INO80: variants seen among roughly 807,000 people sequenced by gnomAD.
The protein encoded by INO80 is chromatin-remodeling ATPase INO80.
In INO80, 20 loss-of-function variants were observed where a neutral mutation model predicts 203.4. The observed-to-expected ratio is 0.10, with a 90% CI of 0.07 to 0.14. The LOEUF (loss-of-function observed/expected upper bound fraction) is 0.14, where lower values mean the gene tolerates loss of function less well. INO80 is among the 10% of genes least tolerant of loss of function. INO80 has a pLI of 1.00. For missense variants in INO80, 1,419 were observed against 1,914.4 expected (o/e 0.74, Z 4.83); for synonymous variants, 726 against 685.2 (o/e 1.06, Z -0.93).
intron 1 of INO80, among the ~76,000 whole-genome samples, chr15:41,112,390 T>C (rs2045970096): frequency 6.6e-6 from 1 of 152,240 alleles, no homozygotes. Context: ...CCATACTCAC[T>C]GACTCACAAG....
chr15:41,025,791 C>T (rs1344544661), intron 25 of INO80, among the ~76,000 whole-genome samples: 1 of 152,090 alleles, frequency 6.6e-6, no homozygotes, highest in Non-Finnish European at 1.5e-5. Context: ...ACTTGATGTG[C>T]CTCTCTCAGA....
intron 1 of INO80, among the ~76,000 whole-genome samples, chr15:41,115,186 C>T (rs776110838): frequency 1.3e-5 from 2 of 152,320 alleles, no homozygotes; most frequent in East Asian, 3.9e-4. Context: ...CTAACAAGTA[C>T]ATCAAACTAG....
chr15:41,051,113 A>G (rs533428681), intron 19 of INO80, among the ~76,000 whole-genome samples: 2 of 117,262 alleles, frequency 1.7e-5, no homozygotes, highest in Non-Finnish European at 3.4e-5. Flanking sequence ...TGGGTGACAG[A>G]ATGAGACTCC....
Position 41,065,046 on chromosome 15 carries a change from G to T in INO80, c.1782+4524C>A, listed in dbSNP as rs192632055. 5.1e-4 allele frequency among the ~76,000 whole-genome samples: 78 copies of T among 152,096 alleles called. 1 individual carries two copies. The highest frequency in any genetic ancestry group is 7.9e-4 in the Admixed American group (12 of 15,256). On this transcript the variant is annotated intron_variant, in intron 14 of 35. Coordinates refer to ENST00000648947, the MANE Select transcript of INO80 (RefSeq NM_017553.3). ...GCAGTGTGGGGCTGTGTTCCAATAC[G>T]TATGACTTTCAACTTTGTATGTCAC...
At position 41,111,671 on chromosome 15, in the gene INO80, T is replaced by C. The variant is rs567465479; in HGVS notation, c.-44+4302A>G. 2.7e-3 allele frequency among the ~76,000 whole-genome samples: 408 copies of C among 150,826 alleles called. 2 individuals carry two copies. Among genetic ancestry groups the C allele is most frequent in the South Asian group, 0.013 (62 of 4,756 alleles). ...TACAAAAATTAGCCGGGCGTGGTGG[T>C]GCACGCCTGTAATCCTAGCTACTCG... On this transcript the variant is annotated intron_variant, in intron 1 of 35. Coordinates refer to ENST00000648947, the MANE Select transcript of INO80 (RefSeq NM_017553.3).
intron 14 of INO80, among the ~76,000 whole-genome samples, chr15:41,063,732 C>T (rs528351114): frequency 2.6e-5 from 4 of 152,100 alleles, no homozygotes; most frequent in Non-Finnish European, 5.9e-5. Context: ...GATTGCGCCA[C>T]TGCACTCCAG....
intron 29 of INO80, among the ~76,000 whole-genome samples, chr15:40,996,021 G>A (rs1433417551): frequency 6.6e-6 from 1 of 152,050 alleles, no homozygotes; most frequent in Non-Finnish European, 1.5e-5. Context: ...TACAGAATGT[G>A]TAGTATCAGA....
At chr15:40,983,172 C>A (rs971091347) in intron 34 of INO80, 95 bp from the exon 35 acceptor site, 4 of 1,019,344 alleles carry the variant, frequency 3.9e-6, no homozygotes, top group African/African-American at 1.6e-5. Context: ...AAAGCGAGCT[C>A]TTAGGGCATT....
At chr15:41,000,726 A>G (rs922416299) in intron 28 of INO80, among the ~76,000 whole-genome samples, 2 of 150,878 alleles carry the variant, frequency 1.3e-5, no homozygotes, top group Admixed American at 6.6e-5. Context: ...AAAAAAAAAA[A>G]AAAAGAAAGA....
chr15:41,116,024 GCGGGCGGGGTC>G lies in INO80; in HGVS notation c.-106_-96del, dbSNP rs1211086646. ...GACGGCGGCGGAGGGGGGGCGGGGT[GCGGGCGGGGTC>G]CGGAGGGGGGGGTCGCCCCGCCGAC... is the stretch of plus-strand genomic sequence containing the variant. On this transcript the variant is annotated 5_prime_UTR_variant, in exon 1 of 36. An upstream open reading frame in the 5' UTR loses its in-frame stop. Transcript: ENST00000648947. 258 of 392,618 alleles carry G rather than the reference GCGGGCGGGGTC, an allele frequency of 6.6e-4. 2 individuals are homozygous for G. In the East Asian group the frequency reaches 9.2e-3, roughly 14 times the overall value. 24.3% of individuals were successfully genotyped at this position (392,618 alleles called of 1,614,324 possible). A position where few individuals can be genotyped will look rare whatever the true frequency, so the allele number is the denominator to read the frequency against.
intron 34 of INO80, 85 bp downstream of exon 34, chr15:40,983,677 C>A: frequency 8.3e-7 from 1 of 1,203,342 alleles, no homozygotes; most frequent in South Asian, 1.4e-5. Context: ...TACCATTATC[C>A]TAGAAGGAAT....
chr15:41,002,843 G>A (rs1460596406), intron 28 of INO80, among the ~76,000 whole-genome samples: 10 of 152,192 alleles, frequency 6.6e-5, no homozygotes, highest in Admixed American at 1.3e-4. Flanking sequence ...GGTGGCTCAC[G>A]CCTGTAATCC....
chr15:41,101,258 G>GA (rs1189388174), intron 1 of INO80, among the ~76,000 whole-genome samples: 1 of 152,102 alleles, frequency 6.6e-6, no homozygotes, highest in Non-Finnish European at 1.5e-5. Flanking sequence ...TCCCTACAAG[G>GA]AAACTGCATG....
intron 26 of INO80, among the ~76,000 whole-genome samples, chr15:41,019,919 G>A (rs2044264559): frequency 6.6e-6 from 1 of 152,186 alleles, no homozygotes; most frequent in South Asian, 2.1e-4. Context: ...TCCATTACAT[G>A]CCAGTAAAAG....
At position 41,070,599 on chromosome 15, in the gene INO80, T is replaced by G. The variant is rs2045294446; in HGVS notation, c.1606-52A>C. The G allele has an allele frequency of 2.8e-6, 4 of 1,429,942 alleles. No individual in the cohort carries two copies. The East Asian group carries it at 9.1e-5, about 33-fold the overall frequency. 88.6% of individuals were successfully genotyped at this position (1,429,942 alleles called of 1,614,324 possible). On this transcript the variant is annotated intron_variant, in intron 12 of 35. Transcript: ENST00000648947. ...ACCTCATGCATTTCATCAAATAAAG[T>G]TCAACCTGTTACCAAAAAGAACGAC...
At chr15:41,050,856 G>A (rs1641751380) in intron 19 of INO80, among the ~76,000 whole-genome samples, 2 of 152,054 alleles carry the variant, frequency 1.3e-5, no homozygotes, top group African/African-American at 2.4e-5. Flanking sequence ...TAATCAGGCC[G>A]GACGCAGTGG....
At chr15:41,046,540 T>C (rs549721963) in intron 23 of INO80, among the ~76,000 whole-genome samples, 39 of 150,460 alleles carry the variant, frequency 2.6e-4, no homozygotes, top group Non-Finnish European at 3.4e-4. Flanking sequence ...TAAGATATAT[T>C]ATGAAGCATC....
intron 33 of INO80, 63 bp from the exon 34 acceptor site, chr15:40,983,984 C>A: frequency 6.4e-7 from 1 of 1,551,458 alleles, no homozygotes. Flanking sequence ...GCCTTGCACC[C>A]AGCTAGGAAC....
chr15:40,984,139 G>A, intron 33 of INO80, 58 bp downstream of exon 33: 1 of 1,560,140 alleles, frequency 6.4e-7, no homozygotes, highest in East Asian at 2.3e-5. Context: ...GTGTGTCCCT[G>A]CTACACGGTC....
Sources: allele counts gnomAD v4.1 joint callset (sites outside exome capture counted in the v4.1 genomes callset), GRCh38; gene constraint gnomAD v4.1.1; transcripts MANE v1.5; gene names NCBI Gene and HGNC (gene_info 2026-07-23, HGNC 2026-07-21).